The following USP25 variants were observed in gnomAD, a reference collection of about 807,000 sequenced individuals.
The protein encoded by USP25 is ubiquitin carboxyl-terminal hydrolase 25.
Under a neutral mutation model 158.5 loss-of-function variants are expected in USP25, and 85 were observed. That is an observed-to-expected ratio of 0.54 (90% CI 0.45 to 0.64). The LOEUF (loss-of-function observed/expected upper bound fraction) is 0.64. Among genes scored for constraint, USP25 ranks in the 30% least tolerant of loss-of-function variants. The probability of loss-of-function intolerance (pLI) is 0.00; values close to 1 mark genes in which losing one functional copy is unlikely to be tolerated. For synonymous variants in USP25, 464 were observed against 460.4 expected (o/e 1.01, Z -0.10); for missense variants, 1,242 against 1,327.3 (o/e 0.94, Z 1.00).
At chr21:15,749,788 G>A (rs917484126) in intron 1 of USP25, among the ~76,000 whole-genome samples, 2 of 152,212 alleles carry the variant, frequency 1.3e-5, no homozygotes, top group Admixed American at 6.5e-5. Flanking sequence ...GCAGGTCGAA[G>A]TGTTATTCCA....
chr21:15,777,599 A>G (rs1258299714), intron 3 of USP25, among the ~76,000 whole-genome samples: 2 of 152,198 alleles, frequency 1.3e-5, no homozygotes, highest in South Asian at 4.1e-4. Context: ...TTGATAAACC[A>G]TTCTCAGCAG....
At chr21:15,733,159 A>T in intron 1 of USP25, among the ~76,000 whole-genome samples, 2 of 74,738 alleles carry the variant, frequency 2.7e-5, no homozygotes, top group Admixed American at 2.1e-4. Context: ...AATCTATCTA[A>T]CCCGATGAAC....
chr21:15,797,731 TC>T (rs1461803415), intron 5 of USP25, among the ~76,000 whole-genome samples: 2 of 151,230 alleles, frequency 1.3e-5, no homozygotes, highest in African/African-American at 4.8e-5. Context: ...ATGGTTTGTC[TC>T]CCCTACTTAA....
At chr21:15,797,313 T>G (rs2035909465) in intron 5 of USP25, among the ~76,000 whole-genome samples, 1 of 151,318 alleles carries the variant, frequency 6.6e-6, no homozygotes, top group Non-Finnish European at 1.5e-5. Context: ...TAAAGAATAC[T>G]GCACCAAAGT....
chr21:15,769,385 A>G (rs1384470428), intron 3 of USP25, among the ~76,000 whole-genome samples: 1 of 152,084 alleles, frequency 6.6e-6, no homozygotes, highest in African/African-American at 2.4e-5. Context: ...TCCATACTGT[A>G]ATTCTGTTGA....
At chr21:15,756,683 T>G (rs906023109) in intron 1 of USP25, among the ~76,000 whole-genome samples, 1 of 152,210 alleles carries the variant, frequency 6.6e-6, no homozygotes, top group East Asian at 1.9e-4. Flanking sequence ...ATTTTGCACA[T>G]AGTAGACACT....
intron 1 of USP25, among the ~76,000 whole-genome samples, chr21:15,756,392 A>G (rs1025655953): frequency 6.6e-6 from 1 of 152,158 alleles, no homozygotes; most frequent in Admixed American, 6.5e-5. Context: ...CCAGAATGCC[A>G]TACTTTGGGG....
intron 1 of USP25, among the ~76,000 whole-genome samples, chr21:15,755,663 A>C (rs2123349327): frequency 6.6e-6 from 1 of 152,288 alleles, no homozygotes; most frequent in Middle Eastern, 3.4e-3. Context: ...GAAACATTGG[A>C]AACAGTCTGG....
At chr21:15,833,610 T>G in intron 17 of USP25, 62 bp downstream of exon 17, 1 of 1,432,700 alleles carries the variant, frequency 7.0e-7, no homozygotes, top group Non-Finnish European at 9.4e-7. Flanking sequence ...TAAGATATGC[T>G]CATTATTAAA....
chr21:15,746,184 C>T (rs1349502810), intron 1 of USP25, among the ~76,000 whole-genome samples: 3 of 152,076 alleles, frequency 2.0e-5, no homozygotes, highest in Non-Finnish European at 4.4e-5. Context: ...TTTGTATTTC[C>T]ATATACAATT....
chr21:15,879,276 G>A lies in USP25; in HGVS notation c.*801G>A, dbSNP rs1008654382. ...GTGATTATTTCAAGAGAATCCCAAA[G>A]TACTTGAATAAGGGCTATTGTAAAA... On this transcript the variant is annotated 3_prime_UTR_variant, in exon 26 of 26. Coordinates refer to ENST00000400183, the MANE Select transcript of USP25 (RefSeq NM_001283041.3). 1.3e-5 allele frequency: 2 copies of A among 152,118 alleles called. No homozygotes were observed. The highest frequency in any genetic ancestry group is 4.8e-5 in the African/African-American group (2 of 41,302). 9.4% of individuals were successfully genotyped at this position (152,118 alleles called of 1,614,324 possible). A position where few individuals can be genotyped will look rare whatever the true frequency, so the allele number is the denominator to read the frequency against.
chr21:15,817,626 C>T (rs1425459305), intron 9 of USP25, among the ~76,000 whole-genome samples: 1 of 152,062 alleles, frequency 6.6e-6, no homozygotes, highest in Non-Finnish European at 1.5e-5. Context: ...CAATCATGGG[C>T]TGGGGAGGCC....
At chr21:15,735,222 A>G (rs1450495038) in intron 1 of USP25, among the ~76,000 whole-genome samples, 3 of 152,200 alleles carry the variant, frequency 2.0e-5, no homozygotes, top group Admixed American at 6.5e-5. Flanking sequence ...AGAATTTGGT[A>G]TACAATTGGC....
At position 15,827,109 on chromosome 21, in the gene USP25, G is replaced by T. The variant is rs757970764; in HGVS notation, c.1599G>T (p.Met533Ile). The change falls in exon 14 of 26, where the codon ATG becomes ATT. Residue 533 changes from methionine to isoleucine, a missense_variant. By Grantham distance (10) the Met-to-Ile change is conservative. Coordinates refer to ENST00000400183, the MANE Select transcript of USP25 (RefSeq NM_001283041.3). ...CCCGGATACCTCCAGATTTGCCCATGCATCCGGCACCAAGGCACATAACGG... is the reference window on the plus strand; with the variant it reads ...CCCGGATACCTCCAGATTTGCCCATTCATCCGGCACCAAGGCACATAACGG... Reference protein sequence around the residue: ...TQSRIPPDLPMHPAPRHITEE... With the variant: ...TQSRIPPDLPIHPAPRHITEE... 6.2e-7 allele frequency: 1 copy of T among 1,614,156 alleles called. No individual in the cohort carries two copies. The highest frequency in any genetic ancestry group is 1.1e-5 in the South Asian group (1 of 91,086).
intron 9 of USP25, among the ~76,000 whole-genome samples, chr21:15,812,061 T>G (rs1021999626): frequency 6.6e-6 from 1 of 151,926 alleles, no homozygotes; most frequent in Admixed American, 6.6e-5. Flanking sequence ...AGTGACATGT[T>G]CGTACGTTTT....
intron 6 of USP25, among the ~76,000 whole-genome samples, chr21:15,802,196 G>A (rs1223463374): frequency 6.6e-6 from 1 of 151,504 alleles, no homozygotes; most frequent in Non-Finnish European, 1.5e-5. Context: ...TTAAAGTCTT[G>A]ATTTAGGACA....
At chr21:15,808,774 G>C in intron 7 of USP25, 35 bp from the exon 8 acceptor site, 2 of 1,518,782 alleles carry the variant, frequency 1.3e-6, no homozygotes, top group Non-Finnish European at 1.8e-6. Context: ...TTTTTTAGTA[G>C]GCTCAAATAT....
intron 1 of USP25, among the ~76,000 whole-genome samples, chr21:15,753,392 C>T (rs2033164015): frequency 6.6e-6 from 1 of 152,164 alleles, no homozygotes. Context: ...TGTAAACAGG[C>T]CAGTTACTTA....
intron 1 of USP25, among the ~76,000 whole-genome samples, chr21:15,757,892 T>A (rs1051547514): frequency 1.3e-5 from 2 of 152,192 alleles, no homozygotes; most frequent in African/African-American, 4.8e-5. Context: ...TTTCTGGGAT[T>A]TATATTCGTG....
Sources: allele counts gnomAD v4.1 joint callset (sites outside exome capture counted in the v4.1 genomes callset), GRCh38; gene constraint gnomAD v4.1.1; transcripts MANE v1.5; gene names NCBI Gene and HGNC (gene_info 2026-07-23, HGNC 2026-07-21).